The following MTNR1B variants were observed in gnomAD, a reference collection of about 807,000 sequenced individuals.
MTNR1B encodes melatonin receptor 1B.
MTNR1B carries 7 observed loss-of-function variants against 7.0 expected under a neutral mutation model. That is an observed-to-expected ratio of 1.00 (90% CI 0.57 to 1.88). The LOEUF (loss-of-function observed/expected upper bound fraction) is 1.88. MTNR1B is among the 40% of genes most tolerant of loss of function. The probability of loss-of-function intolerance (pLI) is 0.00; values close to 1 mark genes in which losing one functional copy is unlikely to be tolerated. For synonymous variants in MTNR1B, 226 were observed against 208.2 expected, an observed-to-expected ratio of 1.09 and a Z score of -0.74; for missense variants, 478 against 486.5, an observed-to-expected ratio of 0.98 and a Z score of 0.16.
chr11:92,976,549 A>G (rs1858011499), intron 1 of MTNR1B, among the ~76,000 whole-genome samples: 1 of 152,284 alleles, frequency 6.6e-6, no homozygotes, highest in African/African-American at 2.4e-5. Flanking sequence ...ACTGTCCCCT[A>G]TCAAAGGGAT....
At chr11:92,984,181 T>A (rs1471885340), downstream of MTNR1B, among the ~76,000 whole-genome samples, 1 of 152,224 alleles carries the variant, frequency 6.6e-6, no homozygotes, top group Admixed American at 6.5e-5. Flanking sequence ...AGCATTATGC[T>A]GGATCCTCTT....
chr11:92,982,945 C>CACA (rs770213452), downstream of MTNR1B, among the ~76,000 whole-genome samples: 2 of 93,158 alleles, frequency 2.1e-5, no homozygotes, highest in Admixed American at 1.1e-4. Context: ...CACCCCCCCC[C>CACA]CCCACACACA....
chr11:92,973,815 A>G (rs149243083), intron 1 of MTNR1B, among the ~76,000 whole-genome samples: 55 of 152,318 alleles, frequency 3.6e-4, no homozygotes, highest in Non-Finnish European at 6.3e-4. Flanking sequence ...AGCCAGACAC[A>G]TAGTAAGAAC....
downstream of MTNR1B, among the ~76,000 whole-genome samples, chr11:92,983,654 AT>A (rs1376275146): frequency 6.6e-6 from 1 of 152,152 alleles, no homozygotes; most frequent in African/African-American, 2.4e-5. Context: ...TGGACTTTAT[AT>A]TCGTAGAAAT....
intron 1 of MTNR1B, among the ~76,000 whole-genome samples, chr11:92,975,499 G>C (rs1265143408): frequency 3.3e-5 from 5 of 152,184 alleles, no homozygotes; most frequent in Non-Finnish European, 7.3e-5. Flanking sequence ...TGGCAAAGCT[G>C]CCCCTCCTCC....
chr11:92,984,275 C>T (rs558962082), downstream of MTNR1B, among the ~76,000 whole-genome samples: 2 of 152,318 alleles, frequency 1.3e-5, no homozygotes, highest in South Asian at 4.1e-4. Context: ...AAATGCAAAT[C>T]TTCTGGGCTC....
At chr11:92,974,843 C>T (rs1029076878) in intron 1 of MTNR1B, among the ~76,000 whole-genome samples, 7 of 152,140 alleles carry the variant, frequency 4.6e-5, no homozygotes, top group Non-Finnish European at 1.0e-4. Flanking sequence ...ACCTCGTGAT[C>T]CGCCCGCCTT....
At chr11:92,970,571 G>A (rs1159766986) in intron 1 of MTNR1B, among the ~76,000 whole-genome samples, 2 of 152,138 alleles carry the variant, frequency 1.3e-5, no homozygotes, top group African/African-American at 4.8e-5. Context: ...GAATTCCTGG[G>A]ATTAACTGTG....
intron 1 of MTNR1B, among the ~76,000 whole-genome samples, chr11:92,974,892 G>C (rs528669557): frequency 6.6e-6 from 1 of 152,036 alleles, no homozygotes; most frequent in Non-Finnish European, 1.5e-5. Flanking sequence ...GTGAGCCACC[G>C]CGCCCGGCCT....
chr11:92,980,294 G>A (rs1202359088), intron 1 of MTNR1B, among the ~76,000 whole-genome samples: 3 of 152,220 alleles, frequency 2.0e-5, no homozygotes, highest in Non-Finnish European at 2.9e-5. Context: ...GCATCACTCA[G>A]GGACCCTGCT....
rs1238685827 is a variant in MTNR1B, at chr11:92,971,719, G to A, written c.223+1771G>A. 2.0e-5 allele frequency among the ~76,000 whole-genome samples: 3 copies of A among 152,126 alleles called. 1 individual carries two copies. Among genetic ancestry groups the A allele is most frequent in the Non-Finnish European group, 4.4e-5 (3 of 68,030 alleles). On this transcript the variant is annotated intron_variant, in intron 1 of 1. Transcript: ENST00000257068. ...AAGGTGGTTGAGGGAAGTAGGAGTT[G>A]CTTCCTTTTGCTGGAAGGAGAAAAG...
chr11:92,970,020 G>T, intron 1 of MTNR1B, 72 bp downstream of exon 1: 1 of 1,416,356 alleles, frequency 7.1e-7, no homozygotes, highest in East Asian at 2.8e-5. Context: ...CCCTGACCCC[G>T]GGATATGCGC....
chr11:92,982,936 A>AC (rs71473980), downstream of MTNR1B, among the ~76,000 whole-genome samples: 603 of 49,130 alleles, frequency 0.012, 55 homozygotes, highest in Non-Finnish European at 0.018. Context: ...AACACACTGC[A>AC]CCCCCCCCCC....
chr11:92,969,918 G>C lies in MTNR1B; in HGVS notation c.193G>C (p.Val65Leu). The change falls in exon 1 of 2, where the codon GTG (valine) becomes CTG (leucine). Residue 65 changes from valine to leucine, a missense_variant. Coordinates refer to ENST00000257068, the MANE Select transcript of MTNR1B (RefSeq NM_005959.5). ...VVGNLLVILS[V>L]LRNRKLRNAG... ...GGGCAACCTCCTGGTGATCCTCTCC[G>C]TGCTCAGGAACCGCAAGCTCCGGAA... 1 of 1,611,806 alleles carries C rather than the reference G, an allele frequency of 6.2e-7. No homozygotes were observed. Among genetic ancestry groups the C allele is most frequent in the Non-Finnish European group, 8.5e-7 (1 of 1,179,464 alleles).
intron 1 of MTNR1B, among the ~76,000 whole-genome samples, chr11:92,979,629 TC>T (rs1330210820): frequency 6.6e-6 from 1 of 152,120 alleles, no homozygotes; most frequent in Non-Finnish European, 1.5e-5. Context: ...GTCCAGACAA[TC>T]TCCTTTCTAT....
Position 92,982,448 on chromosome 11 carries a change from C to A in MTNR1B, c.*136C>A. 9.2e-7 allele frequency: 1 copy of A among 1,081,988 alleles called. No individual in the cohort carries two copies. 67.0% of individuals were successfully genotyped at this position (1,081,988 alleles called of 1,614,324 possible). A position where few individuals can be genotyped will look rare whatever the true frequency, so the allele number is the denominator to read the frequency against. On this transcript the variant is annotated 3_prime_UTR_variant, in exon 2 of 2. Coordinates refer to ENST00000257068, the MANE Select transcript of MTNR1B (RefSeq NM_005959.5). ...CACAGCCCCAAGGCTGGGGGAACTT[C>A]ATGCTGGGACAAGCAGCCCATCAAC...
chr11:92,978,252 C>A (rs1157595022), intron 1 of MTNR1B, among the ~76,000 whole-genome samples: 1 of 152,164 alleles, frequency 6.6e-6, no homozygotes, highest in African/African-American at 2.4e-5. Flanking sequence ...ATTACCAGAT[C>A]TCCATTAAGA....
Position 92,981,727 on chromosome 11 carries a change from C to T in MTNR1B, c.504C>T (p.Thr168=), listed in dbSNP as rs140984335. The T allele has an allele frequency of 8.4e-4, 1,356 of 1,614,214 alleles. 2 individuals are homozygous for T. The highest frequency in any genetic ancestry group is 1.0e-3 in the Non-Finnish European group (1,227 of 1,180,038). Residue 168 remains threonine, a synonymous_variant, in exon 2 of 2, where the codon ACC becomes ACT. Coordinates refer to ENST00000257068, the MANE Select transcript of MTNR1B (RefSeq NM_005959.5). ...ACATCTGCCTCATCTGGCTCCTCACCGTGGTGGCCTTGCTGCCCAACTTCT... is the reference window on the plus strand; with the variant it reads ...ACATCTGCCTCATCTGGCTCCTCACTGTGGTGGCCTTGCTGCCCAACTTCT... ...PLHICLIWLL[T]VVALLPNFFV...
At chr11:92,976,058 T>G (rs1201657558) in intron 1 of MTNR1B, among the ~76,000 whole-genome samples, 1 of 152,252 alleles carries the variant, frequency 6.6e-6, no homozygotes, top group Admixed American at 6.5e-5. Context: ...TGTCTTTAGC[T>G]GAATAATCAG....
Sources: allele counts gnomAD v4.1 joint callset (sites outside exome capture counted in the v4.1 genomes callset), GRCh38; gene constraint gnomAD v4.1.1; transcripts MANE v1.5; gene names NCBI Gene and HGNC (gene_info 2026-07-23, HGNC 2026-07-21).